TMEM132D: variants seen among roughly 807,000 people sequenced by gnomAD.
TMEM132D encodes transmembrane protein 132D, also known as mature OL transmembrane protein.
TMEM132D carries 21 observed loss-of-function variants against 62.3 expected under a neutral mutation model. The ratio of observed to expected loss-of-function variants is 0.34; its 90% CI spans 0.24 to 0.49. The LOEUF (loss-of-function observed/expected upper bound fraction) is 0.49. Among genes scored for constraint, TMEM132D ranks in the 20% least tolerant of loss-of-function variants. The pLI is 0.99. For synonymous variants in TMEM132D, 621 were observed against 575.6 expected, an observed-to-expected ratio of 1.08 and a Z score of -1.13; for missense variants, 1,346 against 1,402.8, an observed-to-expected ratio of 0.96 and a Z score of 0.65.
chr12:129,268,092 C>A (rs1214502571), intron 4 of TMEM132D, among the ~76,000 whole-genome samples: 1 of 152,130 alleles, frequency 6.6e-6, no homozygotes, highest in Admixed American at 6.6e-5. Context: ...TAGAAGAAAA[C>A]CTAGGCAATA....
intron 3 of TMEM132D, among the ~76,000 whole-genome samples, chr12:129,370,215 A>C (rs1870550862): frequency 6.6e-6 from 1 of 152,246 alleles, no homozygotes; most frequent in African/African-American, 2.4e-5. Context: ...TCACACAGGA[A>C]TTGACACAAA....
At chr12:129,252,239 T>C (rs1404536235) in intron 4 of TMEM132D, among the ~76,000 whole-genome samples, 2 of 152,080 alleles carry the variant, frequency 1.3e-5, no homozygotes, top group African/African-American at 2.4e-5. Flanking sequence ...AAACATACCA[T>C]CTCAGCCCAA....
chr12:129,703,790 C>T lies in TMEM132D; in HGVS notation c.80-3092G>A, dbSNP rs571679074. Among the ~76,000 whole-genome samples, 3 of 152,162 alleles carry T rather than the reference C, an allele frequency of 2.0e-5. No individual in the cohort carries two copies. The South Asian group carries it at 6.2e-4, about 32-fold the overall frequency. Reference sequence around the variant, plus strand: ...GGGAGAGATTTTGTATTAATTTTAACATTTTTGAAAGGATCATTTTTCCCT... The same window carrying T: ...GGGAGAGATTTTGTATTAATTTTAATATTTTTGAAAGGATCATTTTTCCCT... On this transcript the variant is annotated intron_variant, in intron 1 of 8. Transcript: ENST00000422113.
chr12:129,671,344 A>T (rs1880495678), intron 2 of TMEM132D, among the ~76,000 whole-genome samples: 1 of 152,172 alleles, frequency 6.6e-6, no homozygotes, highest in Non-Finnish European at 1.5e-5. Flanking sequence ...GGTTTCCAAT[A>T]TTAAATTGAA....
chr12:129,671,135 T>C (rs1880490296), intron 2 of TMEM132D, among the ~76,000 whole-genome samples: 1 of 152,142 alleles, frequency 6.6e-6, no homozygotes, highest in African/African-American at 2.4e-5. Context: ...TAAAAAATAA[T>C]GTTTAATAAT....
At chr12:129,669,280 C>T (rs1366425733) in intron 2 of TMEM132D, among the ~76,000 whole-genome samples, 2 of 152,170 alleles carry the variant, frequency 1.3e-5, no homozygotes, top group Non-Finnish European at 1.5e-5. Context: ...AAAAATTATG[C>T]TTCAAAAGAA....
intron 4 of TMEM132D, among the ~76,000 whole-genome samples, chr12:129,304,662 C>CTTTTTTTTTT (rs35812965): frequency 4.3e-5 from 4 of 93,606 alleles, no homozygotes; most frequent in Non-Finnish European, 8.1e-5. Flanking sequence ...ATACTTGGAT[C>CTTTTTTTTTT]TTTTTTTTTT....
At chr12:129,642,920 CTTTTT>C (rs71082742) in intron 2 of TMEM132D, among the ~76,000 whole-genome samples, 2 of 105,556 alleles carry the variant, frequency 1.9e-5, no homozygotes, top group African/African-American at 3.8e-5. Flanking sequence ...ATTTACAAAT[CTTTTT>C]TTTTTTTTTT....
At chr12:129,479,578 T>C (rs1291192317) in intron 3 of TMEM132D, among the ~76,000 whole-genome samples, 4 of 152,202 alleles carry the variant, frequency 2.6e-5, no homozygotes, top group African/African-American at 9.7e-5. Flanking sequence ...GTGATTACAT[T>C]TTATGCAGGC....
chr12:129,661,228 T>C (rs141087972), intron 2 of TMEM132D, among the ~76,000 whole-genome samples: 7 of 152,240 alleles, frequency 4.6e-5, no homozygotes, highest in East Asian at 3.9e-4. Flanking sequence ...TGGAGCTGAG[T>C]GTTTTTAAAG....
At chr12:129,626,592 C>T (rs1049334389) in intron 2 of TMEM132D, among the ~76,000 whole-genome samples, 9 of 152,046 alleles carry the variant, frequency 5.9e-5, no homozygotes, top group South Asian at 2.1e-4. Flanking sequence ...CGAGTAGCTG[C>T]GATTACAGGC....
chr12:129,347,490 A>G (rs529035763), intron 3 of TMEM132D, among the ~76,000 whole-genome samples: 1 of 152,360 alleles, frequency 6.6e-6, no homozygotes, highest in South Asian at 2.1e-4. Flanking sequence ...TGGTGCTGGG[A>G]AAACTGGCTG....
chr12:129,567,999 G>C (rs932768339), intron 2 of TMEM132D, among the ~76,000 whole-genome samples: 1 of 152,202 alleles, frequency 6.6e-6, no homozygotes, highest in African/African-American at 2.4e-5. Flanking sequence ...AGCAGTTCAG[G>C]AGGGGTTCTG....
At chr12:129,421,731 G>A (rs1011963281) in intron 3 of TMEM132D, among the ~76,000 whole-genome samples, 2 of 152,176 alleles carry the variant, frequency 1.3e-5, no homozygotes, top group Middle Eastern at 3.4e-3. Context: ...AATGTTTTAT[G>A]TATGGCTTTT....
chr12:129,759,433 C>T (rs961438841), intron 1 of TMEM132D, among the ~76,000 whole-genome samples: 3 of 152,224 alleles, frequency 2.0e-5, no homozygotes, highest in East Asian at 3.9e-4. Flanking sequence ...CAGTTGAGAA[C>T]GGAAGGAAGC....
At chr12:129,525,627 G>A (rs926124034) in intron 3 of TMEM132D, among the ~76,000 whole-genome samples, 1 of 152,130 alleles carries the variant, frequency 6.6e-6, no homozygotes, top group Non-Finnish European at 1.5e-5. Flanking sequence ...ATGTGTGACT[G>A]TATTTGATTC....
chr12:129,423,076 T>A (rs1488004360), intron 3 of TMEM132D, among the ~76,000 whole-genome samples: 1 of 151,736 alleles, frequency 6.6e-6, no homozygotes, highest in Admixed American at 6.6e-5. Flanking sequence ...TATATGTACA[T>A]CTTTATATAA....
chr12:129,671,725 C>A (rs1880505355), intron 2 of TMEM132D, among the ~76,000 whole-genome samples: 1 of 152,054 alleles, frequency 6.6e-6, no homozygotes, highest in Admixed American at 6.5e-5. Context: ...GAGAGGAAGG[C>A]CAGCCTATGG....
At chr12:129,355,980 T>G (rs1461212798) in intron 3 of TMEM132D, among the ~76,000 whole-genome samples, 2 of 151,888 alleles carry the variant, frequency 1.3e-5, no homozygotes, top group African/African-American at 2.4e-5. Flanking sequence ...GGGATCAGGG[T>G]GAAGCTACCC....
Sources: allele counts gnomAD v4.1 joint callset (sites outside exome capture counted in the v4.1 genomes callset), GRCh38; gene constraint gnomAD v4.1.1; transcripts MANE v1.5; gene names NCBI Gene and HGNC (gene_info 2026-07-23, HGNC 2026-07-21).